Variants in EPS15L1 observed in about 807,000 individuals in gnomAD.
The protein encoded by EPS15L1 is epidermal growth factor receptor substrate 15-like 1.
Under a neutral mutation model 117.1 loss-of-function variants are expected in EPS15L1, and 43 were observed. The ratio of observed to expected loss-of-function variants is 0.37; its 90% CI spans 0.29 to 0.47. The LOEUF (loss-of-function observed/expected upper bound fraction) is 0.47, where lower values mean the gene tolerates loss of function less well. Among genes scored for constraint, EPS15L1 ranks in the 20% least tolerant of loss-of-function variants. The pLI is 0.99. For missense variants in EPS15L1, 981 were observed against 1,164.0 expected (o/e 0.84, Z 2.29); for synonymous variants, 459 against 470.5 (o/e 0.98, Z 0.32).
intron 7 of EPS15L1, among the ~76,000 whole-genome samples, chr19:16,432,772 C>CAAACA (rs764705945): frequency 7.2e-5 from 11 of 151,866 alleles, no homozygotes; most frequent in African/African-American, 2.2e-4. Flanking sequence ...CTCTGTCTCA[C>CAAACA]AAACAAAACA....
intron 10 of EPS15L1, among the ~76,000 whole-genome samples, chr19:16,419,295 C>CTAAAATTTTG (rs1187894685): frequency 2.0e-5 from 3 of 152,124 alleles, no homozygotes; most frequent in African/African-American, 7.2e-5. Context: ...CCCGCCTCTA[C>CTAAAATTTTG]TAAAAATACA....
intron 10 of EPS15L1, among the ~76,000 whole-genome samples, chr19:16,418,597 T>C (rs2092783484): frequency 6.6e-6 from 1 of 152,038 alleles, no homozygotes; most frequent in Non-Finnish European, 1.5e-5. Context: ...GAAGAAAGAA[T>C]CAGCAACGAC....
At chr19:16,470,309 C>T (rs577147026) in intron 1 of EPS15L1, among the ~76,000 whole-genome samples, 203 of 152,078 alleles carry the variant, frequency 1.3e-3, no homozygotes, top group African/African-American at 4.8e-3. Flanking sequence ...ATCACTTGAA[C>T]TCGGGAGGCG....
intron 1 of EPS15L1, among the ~76,000 whole-genome samples, chr19:16,466,636 C>T (rs760120096): frequency 7.2e-5 from 11 of 152,158 alleles, no homozygotes; most frequent in Non-Finnish European, 1.6e-4. Context: ...GGCGCGGTGC[C>T]TCCTGCCTGT....
chr19:16,382,190 G>C (rs563539425), intron 21 of EPS15L1, among the ~76,000 whole-genome samples: 1 of 152,322 alleles, frequency 6.6e-6, no homozygotes, highest in South Asian at 2.1e-4. Flanking sequence ...GAGGCGACAG[G>C]CTTTCAATAA....
chr19:16,389,048 G>A (rs1312776937), intron 19 of EPS15L1, among the ~76,000 whole-genome samples: 1 of 151,902 alleles, frequency 6.6e-6, no homozygotes, highest in African/African-American at 2.4e-5. Flanking sequence ...CAGTTCAGGA[G>A]GTCAAGACCA....
Position 16,371,856 on chromosome 19 carries a change from T to C in EPS15L1, c.2380+5266A>G, listed in dbSNP as rs964209420. ...CTGACTGATCTTGATCTCCGGTCCG[T>C]TGCAGAAAATATACCATTGTTTACC... On this transcript the variant is annotated intron_variant, in intron 22 of 23. Coordinates refer to ENST00000455140, the MANE Select transcript of EPS15L1 (RefSeq NM_001258374.3). This position sits in a 1 kb window ranked among gnomAD's most constrained non-coding sequence, Gnocchi z 4.7. Among the ~76,000 whole-genome samples, 19 of 152,336 alleles carry C rather than the reference T, an allele frequency of 1.2e-4. No homozygotes were observed. Among genetic ancestry groups the C allele is most frequent in the African/African-American group, 4.1e-4 (17 of 41,576 alleles).
chr19:16,360,240 GTTT>G (rs763346139), intron 23 of EPS15L1, among the ~76,000 whole-genome samples: 1 of 151,692 alleles, frequency 6.6e-6, no homozygotes, highest in African/African-American at 2.4e-5. Flanking sequence ...GAAGAGTTCT[GTTT>G]TTTTTAAATC....
chr19:16,444,408 G>A (rs2093063669), intron 1 of EPS15L1, among the ~76,000 whole-genome samples: 1 of 152,190 alleles, frequency 6.6e-6, no homozygotes, highest in African/African-American at 2.4e-5. Flanking sequence ...ACAGGAAGGA[G>A]TGGCTATCAC....
chr19:16,406,428 C>T (rs930451747), intron 13 of EPS15L1, among the ~76,000 whole-genome samples: 2 of 152,164 alleles, frequency 1.3e-5, no homozygotes, highest in East Asian at 1.9e-4. Context: ...TATTTAAACA[C>T]GTGGGAATGG....
chr19:16,467,895 T>G (rs1274404757), intron 1 of EPS15L1, among the ~76,000 whole-genome samples: 2 of 152,198 alleles, frequency 1.3e-5, no homozygotes, highest in Non-Finnish European at 2.9e-5. Context: ...ACTCTATTTC[T>G]GTGGGTCTTG....
chr19:16,446,339 G>GCTGCCTC (rs1245208674), intron 1 of EPS15L1, among the ~76,000 whole-genome samples: 1 of 152,170 alleles, frequency 6.6e-6, no homozygotes, highest in East Asian at 1.9e-4. Flanking sequence ...TTCATGCCTG[G>GCTGCCTC]CTGCCTCCTG....
At chr19:16,448,779 G>A (rs941289964) in intron 1 of EPS15L1, among the ~76,000 whole-genome samples, 2 of 151,846 alleles carry the variant, frequency 1.3e-5, no homozygotes, top group Non-Finnish European at 1.5e-5. Flanking sequence ...GCAGTGAGCC[G>A]AGATTGTGCC....
At chr19:16,464,881 C>G (rs138498967) in intron 1 of EPS15L1, among the ~76,000 whole-genome samples, 1 of 151,316 alleles carries the variant, frequency 6.6e-6, no homozygotes, top group Admixed American at 6.6e-5. Flanking sequence ...CAGATCGAGA[C>G]CATCCTGCCT....
intron 2 of EPS15L1, 47 bp downstream of exon 2, chr19:16,442,131 C>A (rs1179575000): frequency 6.4e-7 from 1 of 1,570,722 alleles, no homozygotes; most frequent in South Asian, 1.1e-5. Flanking sequence ...GTGCTTTCAG[C>A]TCAGGCATGC....
intron 16 of EPS15L1, among the ~76,000 whole-genome samples, chr19:16,400,336 C>CAAAAAAAAAAAAAAA (rs1162302779): frequency 1.3e-4 from 8 of 60,698 alleles, no homozygotes; most frequent in Admixed American, 1.1e-3. Flanking sequence ...GACTCCGTCT[C>CAAAAAAAAAAAAAAA]AAAAAAAAAA....
At chr19:16,442,978 T>C (rs1439607310) in intron 1 of EPS15L1, among the ~76,000 whole-genome samples, 1 of 152,202 alleles carries the variant, frequency 6.6e-6, no homozygotes, top group Non-Finnish European at 1.5e-5. Context: ...TCCTGAGCTC[T>C]GCCAGACGTC....
At chr19:16,446,380 A>G (rs1043779536) in intron 1 of EPS15L1, among the ~76,000 whole-genome samples, 1 of 152,292 alleles carries the variant, frequency 6.6e-6, no homozygotes, top group South Asian at 2.1e-4. Flanking sequence ...CTGCTAGCAA[A>G]GTACGCGCTC....
In EPS15L1 at chr19:16,365,551, A is replaced by G. The variant is rs915986739; in HGVS notation, c.2381-3567T>C. On this transcript the variant is annotated intron_variant, in intron 22 of 23. Transcript: ENST00000455140. The surrounding 1 kb of genome is among the most constrained non-coding windows in gnomAD (Gnocchi z 4.9). ...CTGCTGTTTAGGCTGAGATAGAGCA[A>G]GTGTGAGCAGGGAGCCACCAAAGCC... is the stretch of plus-strand genomic sequence containing the variant. Among the ~76,000 whole-genome samples, 38 of 152,328 alleles carry G rather than the reference A, an allele frequency of 2.5e-4. No homozygotes were observed. Among genetic ancestry groups the G allele is most frequent in the Non-Finnish European group, 3.8e-4 (26 of 68,006 alleles).
Sources: allele counts gnomAD v4.1 joint callset (sites outside exome capture counted in the v4.1 genomes callset), GRCh38; gene constraint gnomAD v4.1.1; non-coding constraint Gnocchi (gnomAD v3.1); transcripts MANE v1.5; gene names NCBI Gene and HGNC (gene_info 2026-07-23, HGNC 2026-07-21).